The following ADAMTSL3 variants were observed in gnomAD, a reference collection of about 807,000 sequenced individuals.
ADAMTSL3 encodes ADAMTS like 3, also known as ADAMTS-like protein 3.
In ADAMTSL3, 128 loss-of-function variants were observed where a neutral mutation model predicts 201.7. The observed-to-expected ratio is 0.63, with a 90% CI of 0.55 to 0.73. The LOEUF (loss-of-function observed/expected upper bound fraction) is 0.73. ADAMTSL3 is among the 30% of genes least tolerant of loss of function. ADAMTSL3 has a pLI of 0.00. For synonymous variants in ADAMTSL3, 738 were observed against 748.4 expected (o/e 0.99, Z 0.23); for missense variants, 1,990 against 2,119.6 (o/e 0.94, Z 1.20).
At chr15:83,836,837 A>G (rs2064278970) in intron 6 of ADAMTSL3, among the ~76,000 whole-genome samples, 1 of 152,178 alleles carries the variant, frequency 6.6e-6, no homozygotes, top group Non-Finnish European at 1.5e-5. Flanking sequence ...AAGGGTGGTG[A>G]GTGGATCCAG....
At chr15:83,980,348 T>G (rs745310120) in intron 20 of ADAMTSL3, among the ~76,000 whole-genome samples, 2 of 152,166 alleles carry the variant, frequency 1.3e-5, no homozygotes, top group African/African-American at 2.4e-5. Flanking sequence ...TTCTGTTGAT[T>G]GAGCCCTTGC....
At chr15:83,988,628 C>T in intron 21 of ADAMTSL3, 63 bp from the exon 22 acceptor site, 2 of 1,396,276 alleles carry the variant, frequency 1.4e-6, no homozygotes, top group South Asian at 1.7e-5. Flanking sequence ...CTCTGCAACT[C>T]ACTGTAGCCC....
rs2067192374 is a variant in ADAMTSL3, at chr15:83,971,468, A to G, written c.2644+831A>G. Among the ~76,000 whole-genome samples, 3 of 150,992 alleles carry G rather than the reference A, an allele frequency of 2.0e-5. No individual in the cohort carries two copies. The South Asian group carries it at 6.3e-4, about 32-fold the overall frequency. On this transcript the variant is annotated intron_variant, in intron 20 of 29. Transcript: ENST00000286744. ...GCTACTCGAGAGGCTGAGGCAGGAG[A>G]ATCACTTGAACCTGGGAGGCGGAGG... is the stretch of plus-strand genomic sequence containing the variant.
At chr15:83,695,141 G>GTGGTATGTGATT (rs1457739585) in intron 2 of ADAMTSL3, among the ~76,000 whole-genome samples, 1 of 126,554 alleles carries the variant, frequency 7.9e-6, no homozygotes, top group Non-Finnish European at 1.7e-5. Flanking sequence ...GTATATTTGT[G>GTGGTATGTGATT]GTGTAGGTAT....
chr15:83,895,283 A>G (rs897946671), intron 13 of ADAMTSL3, among the ~76,000 whole-genome samples: 1 of 152,196 alleles, frequency 6.6e-6, no homozygotes, highest in Non-Finnish European at 1.5e-5. Context: ...TTTGTTATCG[A>G]GACATTAGGG....
chr15:83,772,746 C>T (rs1185272340), intron 3 of ADAMTSL3, among the ~76,000 whole-genome samples: 3 of 149,076 alleles, frequency 2.0e-5, no homozygotes, highest in Non-Finnish European at 4.4e-5. Flanking sequence ...TGCTCTGCTG[C>T]CCAGGCTGGA....
chr15:83,833,115 AT>A (rs1555449833), intron 6 of ADAMTSL3, among the ~76,000 whole-genome samples: 1 of 152,224 alleles, frequency 6.6e-6, no homozygotes, highest in Non-Finnish European at 1.5e-5. Context: ...TACAGTATTT[AT>A]TCCCCACTTT....
chr15:83,861,559 C>T lies in ADAMTSL3; in HGVS notation c.802+2719C>T, dbSNP rs766535560. 3.8e-4 allele frequency: 61 copies of T among 158,730 alleles called. 1 individual carries two copies. Among genetic ancestry groups the T allele is most frequent in the Admixed American group, 3.0e-3 (46 of 15,348 alleles). The allele number at this position is 158,730 out of a possible 1,614,324, so 9.8% of individuals were successfully genotyped here. A position where few individuals can be genotyped will look rare whatever the true frequency, so the allele number is the denominator to read the frequency against. ...AAACTCCAACAGACCTGCAGCTGAG[C>T]GTCCTGACTTGTAGAAGGAAAACTA... On this transcript the variant is annotated intron_variant, in intron 8 of 29. Transcript: ENST00000286744.
intron 6 of ADAMTSL3, among the ~76,000 whole-genome samples, chr15:83,822,398 C>T (rs1328302338): frequency 3.8e-4 from 55 of 146,014 alleles, no homozygotes; most frequent in Admixed American, 8.1e-4. Flanking sequence ...ACTTCTCAGA[C>T]GGGGCGGTTG....
chr15:83,712,755 C>T (rs1204128374), intron 3 of ADAMTSL3, among the ~76,000 whole-genome samples: 2 of 152,196 alleles, frequency 1.3e-5, no homozygotes. Context: ...TTGCATTTGT[C>T]ATTCTGCAAG....
At chr15:83,899,178 C>A (rs1226110727) in intron 14 of ADAMTSL3, among the ~76,000 whole-genome samples, 1 of 152,178 alleles carries the variant, frequency 6.6e-6, no homozygotes, top group Non-Finnish European at 1.5e-5. Flanking sequence ...ACAACTACAA[C>A]AACAGTAAAA....
chr15:83,890,759 T>A (rs911460186), intron 11 of ADAMTSL3: 2 of 154,168 alleles, frequency 1.3e-5, no homozygotes, highest in African/African-American at 2.4e-5. Flanking sequence ...TTTCCTGGCT[T>A]ACTACAATAC....
rs112813657 is a variant in ADAMTSL3, at chr15:83,818,647, C to T, written c.364-1164C>T. Among the ~76,000 whole-genome samples, 1,289 of 152,242 alleles carry T rather than the reference C, an allele frequency of 8.5e-3. 20 individuals are homozygous for T. The highest frequency in any genetic ancestry group is 0.03 in the African/African-American group (1,253 of 41,538). ...TGGCGGCTATGTTGCTTTTTTCTAC[C>T]TGTTGTCTTTAATTATGAAGTTTGC... On this transcript the variant is annotated intron_variant, in intron 5 of 29. Transcript: ENST00000286744.
chr15:83,905,975 CT>C, intron 15 of ADAMTSL3, among the ~76,000 whole-genome samples: 1 of 151,860 alleles, frequency 6.6e-6, no homozygotes, highest in South Asian at 2.1e-4. Flanking sequence ...GGGAAATTTA[CT>C]TTCACATGTA....
chr15:83,865,736 T>C (rs944140697), intron 8 of ADAMTSL3, among the ~76,000 whole-genome samples: 2 of 152,092 alleles, frequency 1.3e-5, no homozygotes, highest in African/African-American at 2.4e-5. Flanking sequence ...CCAAAAGCAA[T>C]GGCAACAAAA....
chr15:83,713,565 A>G (rs1261649391), intron 3 of ADAMTSL3, among the ~76,000 whole-genome samples: 1 of 152,134 alleles, frequency 6.6e-6, no homozygotes, highest in Non-Finnish European at 1.5e-5. Flanking sequence ...AATAATGCAC[A>G]TGCAACTGTA....
At chr15:83,912,509 TTTGTTCAGCAA>T (rs1265874481) in intron 15 of ADAMTSL3, among the ~76,000 whole-genome samples, 1 of 152,236 alleles carries the variant, frequency 6.6e-6, no homozygotes, top group East Asian at 1.9e-4. Flanking sequence ...AATTAAATGC[TTTGTTCAGCAA>T]GATTGTGCAA....
At chr15:83,721,796 G>C (rs1416494466) in intron 3 of ADAMTSL3, among the ~76,000 whole-genome samples, 1 of 152,114 alleles carries the variant, frequency 6.6e-6, no homozygotes, top group South Asian at 2.1e-4. Context: ...GCAGTGGCTC[G>C]ATCTTGGCTC....
intron 2 of ADAMTSL3, among the ~76,000 whole-genome samples, chr15:83,657,490 C>T (rs983790676): frequency 9.2e-5 from 14 of 152,188 alleles, no homozygotes; most frequent in East Asian, 1.9e-4. Flanking sequence ...TACTGTGTCA[C>T]GCAAACGTCT....
Sources: allele counts gnomAD v4.1 joint callset (sites outside exome capture counted in the v4.1 genomes callset), GRCh38; gene constraint gnomAD v4.1.1; transcripts MANE v1.5; gene names NCBI Gene and HGNC (gene_info 2026-07-23, HGNC 2026-07-21).